ARHGAP44: variants seen among roughly 807,000 people sequenced by gnomAD.
ARHGAP44 encodes the protein Rho GTPase activating protein 44.
ARHGAP44 carries 43 observed loss-of-function variants against 106.8 expected under a neutral mutation model. That is an observed-to-expected ratio of 0.40 (90% confidence interval 0.32 to 0.52). The LOEUF is 0.52. Ranked by LOEUF, ARHGAP44 falls within the 20% of genes least tolerant of loss-of-function variation. The probability of loss-of-function intolerance (pLI) is 0.48; values close to 1 mark genes in which losing one functional copy is unlikely to be tolerated. For synonymous variants in ARHGAP44, 439 were observed against 410.3 expected (o/e 1.07, Z -0.85); for missense variants, 866 against 1,050.5 (o/e 0.82, Z 2.43).
At position 12,955,870 on chromosome 17, in the gene ARHGAP44, C is replaced by T. The variant is rs368298062; in HGVS notation, c.1140C>T (p.Tyr380=). The T allele has an allele frequency of 1.9e-6, 3 of 1,608,952 alleles. No individual in the cohort carries two copies. The highest frequency in any genetic ancestry group is 2.6e-6 in the Non-Finnish European group (3 of 1,176,080). ...GGCCCTTCTAATTTTCTTTTAGATACTTGATAAAATTTTTATCCAAGCTGT... is the reference window on the plus strand; with the variant it reads ...GGCCCTTCTAATTTTCTTTTAGATATTTGATAAAATTTTTATCCAAGCTGT... ...LPKANHNNIR[Y]LIKFLSKLSE... is the part of the protein sequence containing the mutation. Residue 380 remains tyrosine (Y), a synonymous_variant, in exon 14 of 21, where the codon TAC becomes TAT. Coordinates refer to ENST00000379672, the MANE Select transcript of ARHGAP44 (RefSeq NM_014859.6).
At chr17:12,835,865 AG>A (rs1276593234) in intron 1 of ARHGAP44, among the ~76,000 whole-genome samples, 1 of 152,122 alleles carries the variant, frequency 6.6e-6, no homozygotes, top group Admixed American at 6.5e-5. Context: ...TGACTACTTT[AG>A]TTACCCCATA....
rs759987404 is a variant in ARHGAP44, at chr17:12,943,608, A to G, written c.672A>G (p.Glu224=). The change falls in exon 9 of 21, where the codon GAA becomes GAG. Residue 224 remains glutamate (E), a synonymous_variant. Coordinates refer to ENST00000379672, the MANE Select transcript of ARHGAP44 (RefSeq NM_014859.6). ...YFQTLIEVQA[E]YHRKSLTLLQ... Reference sequence around the variant, plus strand: ...CTCAGCTAATAGAAGTGCAAGCTGAATACCACAGGAAGTCCCTGACACTAT... The same window carrying G: ...CTCAGCTAATAGAAGTGCAAGCTGAGTACCACAGGAAGTCCCTGACACTAT... 5 of 1,613,838 alleles carry G rather than the reference A, an allele frequency of 3.1e-6. No individual in the cohort carries two copies. The Admixed American group carries it at 6.7e-5, about 22-fold the overall frequency.
chr17:12,957,184 C>G (rs999701716), intron 15 of ARHGAP44, among the ~76,000 whole-genome samples: 3 of 152,120 alleles, frequency 2.0e-5, no homozygotes, highest in Non-Finnish European at 4.4e-5. Flanking sequence ...TCTTGAACTC[C>G]TGACCTCAGG....
At chr17:12,898,420 A>G (rs1241795053) in intron 3 of ARHGAP44, among the ~76,000 whole-genome samples, 2 of 152,206 alleles carry the variant, frequency 1.3e-5, no homozygotes, top group Admixed American at 1.3e-4. Flanking sequence ...AGGGCCCAAG[A>G]TGTTGTCAGA....
At chr17:12,815,481 A>G (rs2034572673) in intron 1 of ARHGAP44, among the ~76,000 whole-genome samples, 1 of 152,226 alleles carries the variant, frequency 6.6e-6, no homozygotes, top group East Asian at 1.9e-4. Context: ...AAAAGATCAG[A>G]AAGGATTTTG....
intron 1 of ARHGAP44, among the ~76,000 whole-genome samples, chr17:12,826,410 G>A (rs1261297640): frequency 6.6e-6 from 1 of 152,078 alleles, no homozygotes; most frequent in Non-Finnish European, 1.5e-5. Flanking sequence ...TTAACCATTG[G>A]ATTGGCTCTT....
chr17:12,898,492 GA>G (rs1000835200), intron 3 of ARHGAP44, among the ~76,000 whole-genome samples: 1 of 152,152 alleles, frequency 6.6e-6, no homozygotes, highest in Non-Finnish European at 1.5e-5. Flanking sequence ...AGAGACTTGA[GA>G]AAAAGGCACT....
chr17:12,810,808 G>A (rs1229753373), intron 1 of ARHGAP44, among the ~76,000 whole-genome samples: 2 of 152,056 alleles, frequency 1.3e-5, no homozygotes. Context: ...GTTGACCCTT[G>A]AACAAGGAGG....
chr17:12,813,495 G>A (rs2034499155), intron 1 of ARHGAP44, among the ~76,000 whole-genome samples: 1 of 152,094 alleles, frequency 6.6e-6, no homozygotes, highest in Non-Finnish European at 1.5e-5. Context: ...ATGCTTGTCT[G>A]TATGCACATA....
At chr17:12,909,082 T>G in intron 4 of ARHGAP44, 109 bp downstream of exon 4, 1 of 971,952 alleles carries the variant, frequency 1.0e-6, no homozygotes, top group Non-Finnish European at 1.5e-6. Flanking sequence ...CTGGGGACTT[T>G]AGTGGAAAAA....
At chr17:12,865,918 C>T (rs765681488) in intron 1 of ARHGAP44, among the ~76,000 whole-genome samples, 3 of 151,886 alleles carry the variant, frequency 2.0e-5, no homozygotes, top group East Asian at 1.9e-4. Context: ...ACTATTGCAG[C>T]GAAGTCATTA....
chr17:12,814,501 G>A (rs985555134), intron 1 of ARHGAP44, among the ~76,000 whole-genome samples: 49 of 151,496 alleles, frequency 3.2e-4, no homozygotes, highest in Non-Finnish European at 6.5e-4. Context: ...TCGGCCTCCC[G>A]AAGTGCTGGG....
At position 12,941,051 on chromosome 17, in the gene ARHGAP44, C is replaced by A. The variant is rs1489901320; in HGVS notation, c.583-5C>A. The stretch of plus-strand genomic sequence containing the variant: ...TACCTTGGTTGTATATTTTACCTTG[C>A]ACAGGACCAGCTCTCAGCTGATATG... On this transcript the variant is annotated splice_region_variant and splice_polypyrimidine_tract_variant and intron_variant, in intron 7 of 20. Transcript: ENST00000379672. 3 of 1,613,690 alleles carry A rather than the reference C, an allele frequency of 1.9e-6. No homozygotes were observed. The highest frequency in any genetic ancestry group is 2.5e-6 in the Non-Finnish European group (3 of 1,179,790).
intron 1 of ARHGAP44, among the ~76,000 whole-genome samples, chr17:12,813,974 TA>T (rs2034516479): frequency 6.6e-6 from 1 of 152,182 alleles, no homozygotes; most frequent in Admixed American, 6.5e-5. Context: ...AGATTTCATC[TA>T]AATATTCAGA....
intron 3 of ARHGAP44, among the ~76,000 whole-genome samples, chr17:12,899,445 C>T (rs1461053254): frequency 6.6e-6 from 1 of 152,128 alleles, no homozygotes; most frequent in Non-Finnish European, 1.5e-5. Context: ...CAGTTTTTCT[C>T]TGAACACATT....
At chr17:12,978,963 C>G (rs1039042839) in intron 18 of ARHGAP44, among the ~76,000 whole-genome samples, 4 of 152,130 alleles carry the variant, frequency 2.6e-5, no homozygotes, top group Admixed American at 1.3e-4. Flanking sequence ...TGCTGGATTA[C>G]AGGCATGAGC....
chr17:12,903,097 A>AT (rs1167059477), intron 3 of ARHGAP44, among the ~76,000 whole-genome samples: 3 of 84,528 alleles, frequency 3.5e-5, no homozygotes, highest in African/African-American at 1.8e-4. Context: ...AGAGAGAGAG[A>AT]GAGAGAGAGA....
At chr17:12,978,002 T>C (rs1330111200) in intron 18 of ARHGAP44, among the ~76,000 whole-genome samples, 1 of 116,640 alleles carries the variant, frequency 8.6e-6, no homozygotes, top group Non-Finnish European at 1.6e-5. Flanking sequence ...CATGGCACTA[T>C]ACTCCAGCTG....
intron 1 of ARHGAP44, among the ~76,000 whole-genome samples, chr17:12,800,720 A>C (rs1475428117): frequency 6.6e-6 from 1 of 152,168 alleles, no homozygotes; most frequent in Non-Finnish European, 1.5e-5. Flanking sequence ...CGTCTCTGTG[A>C]ATGGGGCTAT....
Sources: gnomAD v4.1 joint callset for allele counts (sites outside exome capture counted in the v4.1 genomes callset) on GRCh38, gnomAD v4.1.1 for gene constraint, MANE v1.5 for transcripts, NCBI Gene and HGNC (gene_info 2026-07-23, HGNC 2026-07-21) for gene names.